CCNYL1: variants seen among roughly 807,000 people sequenced by gnomAD.
CCNYL1 encodes cyclin Y like 1, also known as cyclin-Y-like protein 1.
In CCNYL1, 16 loss-of-function variants were observed where a neutral mutation model predicts 44.2. The observed-to-expected ratio is 0.36, with a 90% CI of 0.25 to 0.55. The LOEUF is 0.55. Among genes scored for constraint, CCNYL1 ranks in the 20% least tolerant of loss-of-function variants. The pLI, the probability that CCNYL1 is intolerant of heterozygous loss-of-function variation, is 0.85. For missense variants in CCNYL1, 348 were observed against 451.8 expected, an observed-to-expected ratio of 0.77 and a Z score of 2.08; for synonymous variants, 159 against 163.2, an observed-to-expected ratio of 0.97 and a Z score of 0.20.
At chr2:207,715,830 C>T (rs1031813964) in intron 1 of CCNYL1, among the ~76,000 whole-genome samples, 1 of 151,630 alleles carries the variant, frequency 6.6e-6, no homozygotes, top group African/African-American at 2.4e-5. Context: ...GTGTGTGCCA[C>T]CACGCCCAGC....
At chr2:207,749,805 C>G (rs2091878878) in intron 8 of CCNYL1, among the ~76,000 whole-genome samples, 1 of 152,088 alleles carries the variant, frequency 6.6e-6, no homozygotes, top group South Asian at 2.1e-4. Context: ...ATGAGAAAAC[C>G]ACATCTCTGC....
chr2:207,726,603 G>C (rs1338399609), intron 2 of CCNYL1, among the ~76,000 whole-genome samples: 4 of 152,116 alleles, frequency 2.6e-5, no homozygotes, highest in Non-Finnish European at 4.4e-5. Context: ...TTTTTATGTA[G>C]GGATTCTTTC....
At position 207,725,534 on chromosome 2, in the gene CCNYL1, GAAC is replaced by G. The variant is rs552991053; in HGVS notation, c.295+669_295+671del. ...TTTAAGCTGCAGCTTGGTTTCATTT[GAAC>G]AACAACAAAAAATCAGTTCGTATAC... On this transcript the variant is annotated intron_variant, in intron 2 of 9. Coordinates refer to ENST00000295414, the MANE Select transcript of CCNYL1 (RefSeq NM_001330218.2). Among the ~76,000 whole-genome samples the G allele has an allele frequency of 1.3e-4, 20 of 152,300 alleles. No individual in the cohort carries two copies. In the South Asian group the frequency reaches 3.9e-3, roughly 30 times the overall value.
intron 6 of CCNYL1, among the ~76,000 whole-genome samples, 171 bp downstream of exon 6, chr2:207,740,877 C>T (rs1219271797): frequency 2.0e-5 from 3 of 152,130 alleles, no homozygotes; most frequent in Non-Finnish European, 2.9e-5. Flanking sequence ...AATTCACTTC[C>T]TCAGGTATAT....
At position 207,754,598 on chromosome 2, in the gene CCNYL1, A is replaced by ATGAT. The variant is rs2105845236; in HGVS notation, c.*902_*905dup. Reference sequence around the variant, plus strand: ...TAAATGCTATAAACCTTTAAAAAACATGATTTGAAAGTTTTTTGTTTTGTT... The same window carrying ATGAT: ...TAAATGCTATAAACCTTTAAAAAACATGATTGATTTGAAAGTTTTTTGTTTTGTT... On this transcript the variant is annotated 3_prime_UTR_variant, in exon 10 of 10. Coordinates refer to ENST00000295414, the MANE Select transcript of CCNYL1 (RefSeq NM_001330218.2). 6.6e-6 allele frequency: 1 copy of ATGAT among 152,534 alleles called. No homozygotes were observed. The highest frequency in any genetic ancestry group is 6.5e-5 in the Admixed American group (1 of 15,288). 9.4% of individuals were successfully genotyped at this position (152,534 alleles called of 1,614,324 possible).
intron 8 of CCNYL1, among the ~76,000 whole-genome samples, chr2:207,749,818 A>G (rs1300424540): frequency 6.6e-6 from 1 of 152,236 alleles, no homozygotes; most frequent in Non-Finnish European, 1.5e-5. Flanking sequence ...ATCTCTGCTC[A>G]TATTAACTGC....
intron 5 of CCNYL1, among the ~76,000 whole-genome samples, chr2:207,738,861 A>C (rs757862404): frequency 9.9e-5 from 15 of 152,006 alleles, no homozygotes; most frequent in Non-Finnish European, 1.5e-4. Flanking sequence ...CTGAGATTAC[A>C]AATACATACC....
At chr2:207,714,929 A>G (rs2091581813) in intron 1 of CCNYL1, 1 of 152,276 alleles carries the variant, frequency 6.6e-6, no homozygotes, top group African/African-American at 2.4e-5. Context: ...TCTTTATTTC[A>G]GACAATTTTA....
chr2:207,720,766 C>G (rs1005070497), intron 1 of CCNYL1, among the ~76,000 whole-genome samples: 3 of 152,050 alleles, frequency 2.0e-5, no homozygotes, highest in Admixed American at 6.6e-5. Flanking sequence ...TTAAGAAATA[C>G]ACAAAGGGAG....
At chr2:207,720,711 C>G (rs768691415) in intron 1 of CCNYL1, among the ~76,000 whole-genome samples, 2 of 152,094 alleles carry the variant, frequency 1.3e-5, no homozygotes, top group Non-Finnish European at 2.9e-5. Flanking sequence ...CACTGCACTC[C>G]ACCCAGAAAT....
intron 1 of CCNYL1, among the ~76,000 whole-genome samples, chr2:207,720,729 A>G (rs886698764): frequency 2.0e-5 from 3 of 152,164 alleles, no homozygotes; most frequent in Admixed American, 2.0e-4. Context: ...AATACTCTTA[A>G]AAGTCTAAAA....
intron 4 of CCNYL1, among the ~76,000 whole-genome samples, chr2:207,737,053 A>C (rs920539687): frequency 2.0e-5 from 3 of 152,178 alleles, no homozygotes; most frequent in East Asian, 1.9e-4. Flanking sequence ...GTAGCTGGGA[A>C]TACAGGCGCC....
In CCNYL1 at chr2:207,748,466, G is replaced by A. The variant is rs191686538; in HGVS notation, c.806+1253G>A. Among the ~76,000 whole-genome samples, 604 of 152,342 alleles carry A rather than the reference G, an allele frequency of 4.0e-3. 5 individuals carry two copies. Among genetic ancestry groups the A allele is most frequent in the African/African-American group, 0.014 (580 of 41,574 alleles). Reference sequence around the variant, plus strand: ...AGGCTGGCCTCGTGTCGGCCGTGAAGGGAAGGGCCTTGGAGCTTGGTAGGC... The same window carrying A: ...AGGCTGGCCTCGTGTCGGCCGTGAAAGGAAGGGCCTTGGAGCTTGGTAGGC... On this transcript the variant is annotated intron_variant, in intron 8 of 9. Transcript: ENST00000295414.
Position 207,753,766 on chromosome 2 carries a change from C to T in CCNYL1, c.*68C>T, listed in dbSNP as rs1005136274. 4 of 1,012,126 alleles carry T rather than the reference C, an allele frequency of 4.0e-6. No homozygotes were observed. In the African/African-American group the frequency reaches 4.9e-5, roughly 12 times the overall value. 62.7% of individuals were successfully genotyped at this position (1,012,126 alleles called of 1,614,324 possible). Reference sequence around the variant, plus strand: ...CAAAGACTGGAGAAATACCACCTTTCCTGCTCAAAAACCAGCAAAATTAGT... The same window carrying T: ...CAAAGACTGGAGAAATACCACCTTTTCTGCTCAAAAACCAGCAAAATTAGT... On this transcript the variant is annotated 3_prime_UTR_variant, in exon 10 of 10. Coordinates refer to ENST00000295414, the MANE Select transcript of CCNYL1 (RefSeq NM_001330218.2).
intron 1 of CCNYL1, among the ~76,000 whole-genome samples, chr2:207,715,338 TCATA>T: frequency 6.7e-6 from 1 of 148,714 alleles, no homozygotes. Flanking sequence ...TAGACAAAAA[TCATA>T]CATAAATGAC....
chr2:207,751,966 C>T (rs1046202464), intron 9 of CCNYL1, among the ~76,000 whole-genome samples: 8 of 151,538 alleles, frequency 5.3e-5, no homozygotes, highest in South Asian at 2.1e-4. Flanking sequence ...ACCTGGGAGG[C>T]GGAGGTTGCA....
intron 1 of CCNYL1, among the ~76,000 whole-genome samples, chr2:207,721,740 T>G (rs1252348752): frequency 6.6e-6 from 1 of 151,890 alleles, no homozygotes; most frequent in African/African-American, 2.4e-5. Context: ...TTTTGTTTTT[T>G]TTTTTTTTGT....
rs374831592 is a variant in CCNYL1, at chr2:207,740,798, A to G, written c.519+92A>G. On this transcript the variant is annotated intron_variant, in intron 6 of 9. Transcript: ENST00000295414. ...TTATAAATAGTCCTAACAAATATAC[A>G]TGATCTCTATGAAGATAATTAGAAA... 33 of 732,724 alleles carry G rather than the reference A, an allele frequency of 4.5e-5. No homozygotes were observed. In the African/African-American group the frequency reaches 5.2e-4, roughly 11 times the overall value. 45.4% of individuals were successfully genotyped at this position (732,724 alleles called of 1,614,324 possible).
intron 9 of CCNYL1, among the ~76,000 whole-genome samples, chr2:207,752,334 G>A (rs1401638708): frequency 6.6e-6 from 1 of 152,088 alleles, no homozygotes. Context: ...TTGAGATCAG[G>A]ACTTCAAGAC....
Sources: gnomAD v4.1 joint callset for allele counts (sites outside exome capture counted in the v4.1 genomes callset) on GRCh38, gnomAD v4.1.1 for gene constraint, MANE v1.5 for transcripts, NCBI Gene and HGNC (gene_info 2026-07-23, HGNC 2026-07-21) for gene names.